XKR9: variants seen among roughly 807,000 people sequenced by gnomAD.
XKR9 encodes the protein XK-related protein 9.
A neutral mutation model predicts 32.0 loss-of-function variants in XKR9; 32 were observed. That is an observed-to-expected ratio of 1.00 (90% CI 0.76 to 1.34). The LOEUF (loss-of-function observed/expected upper bound fraction) is 1.34. XKR9 is among the 40% of genes most tolerant of loss of function. XKR9 has a pLI of 0.00. For synonymous variants in XKR9, 168 were observed against 143.4 expected (o/e 1.17, Z -1.22); for missense variants, 546 against 429.7 (o/e 1.27, Z -2.39).
Position 70,721,377 on chromosome 8 carries a change from C to A in XKR9, c.494-12419C>A, listed in dbSNP as rs556203569. 2.5e-4 allele frequency among the ~76,000 whole-genome samples: 38 copies of A among 152,110 alleles called. 1 individual carries two copies. The highest frequency in any genetic ancestry group is 8.2e-4 in the African/African-American group (34 of 41,490). On this transcript the variant is annotated intron_variant, in intron 4 of 4. Coordinates refer to ENST00000408926, the MANE Select transcript of XKR9 (RefSeq NM_001011720.2). ...TTTGTTTGCTCTTGCTTTTCTAGTT[C>A]TTTTAATTGTGATATTAGGGTGTTG...
chr8:70,955,727 T>A, the XKR9 span, among the ~76,000 whole-genome samples: 3 of 152,186 alleles, frequency 2.0e-5, no homozygotes, highest in Non-Finnish European at 2.9e-5. Flanking sequence ...CTGGCTCAGA[T>A]AACACACCTG....
chr8:70,979,215 C>T, the XKR9 span, among the ~76,000 whole-genome samples: 326 of 152,168 alleles, frequency 2.1e-3, no homozygotes, highest in Admixed American at 4.0e-3. Flanking sequence ...TTGTTATTAC[C>T]GACTTTCTGA....
At chr8:70,757,370 G>A (rs1807241764) in intron 2 of XKR9, among the ~76,000 whole-genome samples, 1 of 151,764 alleles carries the variant, frequency 6.6e-6, no homozygotes, top group African/African-American at 2.4e-5. Flanking sequence ...CAGTTTGCAA[G>A]TTCTTTTTTC....
chr8:70,907,047 C>T, the XKR9 span, among the ~76,000 whole-genome samples: 4 of 152,148 alleles, frequency 2.6e-5, no homozygotes, highest in African/African-American at 7.2e-5. Flanking sequence ...GTCTCCATCC[C>T]AGCAACAACT....
intron 4 of XKR9, among the ~76,000 whole-genome samples, chr8:70,718,075 G>A (rs1806150360): frequency 6.6e-6 from 1 of 151,984 alleles, no homozygotes; most frequent in Admixed American, 6.6e-5. Flanking sequence ...CAGCATTTTG[G>A]TCAAAGGCAT....
At chr8:71,027,664 C>T in the XKR9 span, among the ~76,000 whole-genome samples, 27 of 151,840 alleles carry the variant, frequency 1.8e-4, no homozygotes, top group South Asian at 6.2e-4. Flanking sequence ...GGAATGTGTG[C>T]GCCTTCAGCT....
At chr8:71,011,610 A>G in the XKR9 span, among the ~76,000 whole-genome samples, 5 of 152,354 alleles carry the variant, frequency 3.3e-5, no homozygotes, top group East Asian at 9.7e-4. Context: ...CCTGGTATTC[A>G]GCTAAAGCAG....
At chr8:70,784,704 A>C (rs1375280837) in intron 2 of XKR9, among the ~76,000 whole-genome samples, 2 of 151,944 alleles carry the variant, frequency 1.3e-5, no homozygotes, top group Non-Finnish European at 2.9e-5. Context: ...TCTCTTGCTT[A>C]ATTTCCCTGG....
intron 3 of XKR9, among the ~76,000 whole-genome samples, chr8:70,683,168 T>C (rs11995217): frequency 0.12 from 17,978 of 152,234 alleles, 1,271 homozygotes; most frequent in African/African-American, 0.2. Flanking sequence ...TCTATTCCAA[T>C]ATGCTGGATC....
At chr8:70,795,345 G>A (rs1586901697), downstream of XKR9, among the ~76,000 whole-genome samples, 1 of 152,104 alleles carries the variant, frequency 6.6e-6, no homozygotes, top group East Asian at 1.9e-4. Context: ...TGGTGTATAT[G>A]TACCATATTT....
At chr8:70,791,367 AC>A (rs1309338383), downstream of XKR9, among the ~76,000 whole-genome samples, 1 of 151,992 alleles carries the variant, frequency 6.6e-6, no homozygotes, top group Non-Finnish European at 1.5e-5. Context: ...TTAGCAGTAC[AC>A]AAAGTATGGA....
intron 4 of XKR9, among the ~76,000 whole-genome samples, chr8:70,710,376 C>T (rs1337640916): frequency 6.6e-6 from 1 of 152,040 alleles, no homozygotes; most frequent in African/African-American, 2.4e-5. Flanking sequence ...TGGACATAGG[C>T]CTTGGCAAAG....
At chr8:70,924,957 A>G in the XKR9 span, among the ~76,000 whole-genome samples, 1 of 151,718 alleles carries the variant, frequency 6.6e-6, no homozygotes, top group Non-Finnish European at 1.5e-5. Context: ...AGGAGCATCA[A>G]AATTTAATGT....
chr8:70,755,177 G>C (rs538344972), intron 2 of XKR9, among the ~76,000 whole-genome samples: 1 of 152,220 alleles, frequency 6.6e-6, no homozygotes, highest in Non-Finnish European at 1.5e-5. Context: ...ATGACTGGCC[G>C]TCAGAGAAAT....
the XKR9 span, among the ~76,000 whole-genome samples, chr8:70,930,415 C>T: frequency 2.6e-5 from 4 of 152,060 alleles, no homozygotes; most frequent in South Asian, 2.1e-4. Flanking sequence ...AAGTTATTTA[C>T]CACTTTGGTA....
At chr8:70,871,691 T>TAA in the XKR9 span, among the ~76,000 whole-genome samples, 1 of 152,126 alleles carries the variant, frequency 6.6e-6, no homozygotes, top group Non-Finnish European at 1.5e-5. Context: ...GACACAACAG[T>TAA]ATTGAAATTA....
chr8:70,878,784 T>G, the XKR9 span, among the ~76,000 whole-genome samples: 1 of 152,110 alleles, frequency 6.6e-6, no homozygotes, highest in Non-Finnish European at 1.5e-5. Flanking sequence ...GGAATTGAAC[T>G]CAACTCTGCA....
the XKR9 span, among the ~76,000 whole-genome samples, chr8:71,049,561 C>T: frequency 6.6e-6 from 1 of 152,182 alleles, no homozygotes; most frequent in African/African-American, 2.4e-5. Context: ...GACAAACCAA[C>T]CATCTGAGTT....
the XKR9 span, among the ~76,000 whole-genome samples, chr8:71,001,288 G>A: frequency 6.6e-6 from 1 of 152,038 alleles, no homozygotes; most frequent in Non-Finnish European, 1.5e-5. Flanking sequence ...TAGAGACAGG[G>A]TCTCACTCCA....
Sources: gnomAD v4.1 joint callset for allele counts (sites outside exome capture counted in the v4.1 genomes callset) on GRCh38, gnomAD v4.1.1 for gene constraint, MANE v1.5 for transcripts, NCBI Gene and HGNC (gene_info 2026-07-23, HGNC 2026-07-21) for gene names.